The following FRRS1L variants were observed in gnomAD, a reference collection of about 807,000 sequenced individuals.
FRRS1L encodes the protein ferric chelate reductase 1 like, also known as DOMON domain-containing protein FRRS1L.
FRRS1L carries 22 observed loss-of-function variants against 28.6 expected under a neutral mutation model. That is an observed-to-expected ratio of 0.77 (90% CI 0.55 to 1.10). FRRS1L has a LOEUF of 1.10. Ranked by LOEUF, FRRS1L falls within the 50% of genes least tolerant of loss-of-function variation. The pLI is 0.00. For missense variants in FRRS1L, 380 were observed against 386.9 expected (o/e 0.98, Z 0.15); for synonymous variants, 158 against 151.4 (o/e 1.04, Z -0.32).
chr9:109,163,456 A>G (rs1831503823), intron 1 of FRRS1L, among the ~76,000 whole-genome samples: 1 of 152,170 alleles, frequency 6.6e-6, no homozygotes, highest in South Asian at 2.1e-4. Flanking sequence ...AGACAGTGGG[A>G]CCCTCAAAGA....
intron 1 of FRRS1L, among the ~76,000 whole-genome samples, chr9:109,165,391 G>A (rs1247703615): frequency 6.6e-6 from 1 of 152,166 alleles, no homozygotes; most frequent in Non-Finnish European, 1.5e-5. Flanking sequence ...CTACTGTACT[G>A]ATGAGGACAA....
chr9:109,164,382 C>T (rs1364721362), intron 1 of FRRS1L, among the ~76,000 whole-genome samples: 1 of 148,096 alleles, frequency 6.8e-6, no homozygotes, highest in Non-Finnish European at 1.5e-5. Flanking sequence ...AATATTCATT[C>T]AGGGAGCAGG....
rs1210439851 is a variant in FRRS1L at position 109,132,390 on chromosome 9, CA to C, written c.*5064del. 1.3e-5 allele frequency: 2 copies of C among 152,206 alleles called. No homozygotes were observed. Among genetic ancestry groups the C allele is most frequent in the Non-Finnish European group, 2.9e-5 (2 of 68,036 alleles). The allele number at this position is 152,206 out of a possible 1,614,324, so 9.4% of individuals were successfully genotyped here. A position where few individuals can be genotyped will look rare whatever the true frequency, so the allele number is the denominator to read the frequency against. ...CCATGATCACCACAGTTACTTAAGA[CA>C]AAACTGCTGCTTAGCCGGCTCTGTA... is the stretch of plus-strand genomic sequence containing the variant. On this transcript the variant is annotated 3_prime_UTR_variant, in exon 5 of 5. Transcript: ENST00000561981.
At chr9:109,147,213 T>G (rs1159141707) in intron 2 of FRRS1L, 24 bp from the exon 3 acceptor site, 1 of 1,598,928 alleles carries the variant, frequency 6.3e-7, no homozygotes, top group Non-Finnish European at 8.6e-7. Flanking sequence ...CGAAAGAGAC[T>G]TTACTGCTTC....
chr9:109,167,130 C>T lies in FRRS1L; in HGVS notation c.9G>A (p.Arg3=), dbSNP rs1254015489. ...AGACCCCCGGGTGCTGCCGGGGCGG[C>T]CGCGCCATCCGTGCGCACAGATCCC... is the stretch of plus-strand genomic sequence containing the variant. The part of the protein sequence containing the change: MA[R]PPRQHPGVWA... The change falls in exon 1 of 5, where the codon CGG becomes CGA. Residue 3 remains arginine (R), a synonymous_variant. Transcript: ENST00000561981. The T allele has an allele frequency of 1.7e-6, 2 of 1,159,822 alleles. No homozygotes were observed. The highest frequency in any genetic ancestry group is 4.5e-5 in the Admixed American group (1 of 22,152). 71.8% of individuals were successfully genotyped at this position (1,159,822 alleles called of 1,614,324 possible). A position where few individuals can be genotyped will look rare whatever the true frequency, so the allele number is the denominator to read the frequency against.
At position 109,166,902 on chromosome 9, in the gene FRRS1L, C is replaced by A; in HGVS notation, c.237G>T (p.Glu79Asp). Residue 79 changes from glutamate (E) to aspartate (D), a missense_variant and splice_region_variant, in exon 1 of 5, where the codon GAG (glutamate) becomes GAT (aspartate). Transcript: ENST00000561981. Reference sequence around the variant, plus strand: ...CCCCTCGCCCTCCCGCAGCCTCACCCTCCTCCGACAGGTAGCGCAGGTCGT... The same window carrying A: ...CCCCTCGCCCTCCCGCAGCCTCACCATCCTCCGACAGGTAGCGCAGGTCGT... ...EFYDLRYLSE[E>D]GYPFPTAPPV... 1 of 1,346,708 alleles carries A rather than the reference C, an allele frequency of 7.4e-7. No homozygotes were observed. Among genetic ancestry groups the A allele is most frequent in the South Asian group, 1.9e-5 (1 of 53,614 alleles). 83.4% of individuals were successfully genotyped at this position (1,346,708 alleles called of 1,614,324 possible).
intron 1 of FRRS1L, among the ~76,000 whole-genome samples, chr9:109,153,685 T>C (rs1831365340): frequency 6.6e-6 from 1 of 152,138 alleles, no homozygotes; most frequent in Non-Finnish European, 1.5e-5. Context: ...GTGTGGACAA[T>C]CTTATTGTGA....
At chr9:109,164,113 T>C (rs1486358467) in intron 1 of FRRS1L, among the ~76,000 whole-genome samples, 1 of 152,110 alleles carries the variant, frequency 6.6e-6, no homozygotes, top group Admixed American at 6.5e-5. Context: ...CTTGGGAAAG[T>C]CTCTATTCAG....
chr9:109,163,156 AC>A (rs1441202752), intron 1 of FRRS1L, among the ~76,000 whole-genome samples: 1 of 152,086 alleles, frequency 6.6e-6, no homozygotes, highest in African/African-American at 2.4e-5. Flanking sequence ...TCCCCAAAGA[AC>A]CCTCAGAAGT....
intron 1 of FRRS1L, among the ~76,000 whole-genome samples, chr9:109,158,762 C>T (rs979834336): frequency 1.3e-5 from 2 of 152,178 alleles, no homozygotes; most frequent in Non-Finnish European, 2.9e-5. Context: ...GGGTTGTTTC[C>T]ACTTTTTGGC....
intron 2 of FRRS1L, chr9:109,147,418 C>T (rs1047543949): frequency 8.4e-6 from 4 of 475,550 alleles, no homozygotes; most frequent in South Asian, 3.2e-5. Flanking sequence ...GGGGCTTGCC[C>T]GAGGTTGTAT....
At chr9:109,143,000 T>C (rs965608561) in intron 3 of FRRS1L, among the ~76,000 whole-genome samples, 8 of 152,022 alleles carry the variant, frequency 5.3e-5, no homozygotes, top group Non-Finnish European at 8.8e-5. Context: ...CAGTTTACAT[T>C]TTTTTCAAAA....
At position 109,131,969 on chromosome 9, in the gene FRRS1L, TTTTATTTTA is replaced by T. The variant is rs910473991; in HGVS notation, c.*5477_*5485del. On this transcript the variant is annotated 3_prime_UTR_variant, in exon 5 of 5. Coordinates refer to ENST00000561981, the MANE Select transcript of FRRS1L (RefSeq NM_014334.4). ...TTGATACAACTTTTATTTTATTTTA[TTTTATTTTA>T]TTTATTTATTTTTTAGACGGAGTCT... 3.1e-5 allele frequency: 4 copies of T among 130,446 alleles called. No homozygotes were observed. Among genetic ancestry groups the T allele is most frequent in the African/African-American group, 1.1e-4 (4 of 35,234 alleles). 8.1% of individuals were successfully genotyped at this position (130,446 alleles called of 1,614,324 possible).
At chr9:109,156,124 A>G (rs1386566553) in intron 1 of FRRS1L, among the ~76,000 whole-genome samples, 1 of 152,152 alleles carries the variant, frequency 6.6e-6, no homozygotes, top group Non-Finnish European at 1.5e-5. Flanking sequence ...CCGGCACACT[A>G]GAGAGTCTGG....
At position 109,131,826 on chromosome 9, in the gene FRRS1L, A is replaced by G. The variant is rs1032965705; in HGVS notation, c.*5629T>C. The stretch of plus-strand genomic sequence containing the variant: ...AGGACATACAATTATACACGGCAGC[A>G]AAGTATACACATCCCAGCCTTTGGC... On this transcript the variant is annotated 3_prime_UTR_variant, in exon 5 of 5. Transcript: ENST00000561981. 6.6e-6 allele frequency: 1 copy of G among 152,214 alleles called. No homozygotes were observed. The highest frequency in any genetic ancestry group is 1.5e-5 in the Non-Finnish European group (1 of 68,034). The allele number at this position is 152,214 out of a possible 1,614,324, so 9.4% of individuals were successfully genotyped here.
Position 109,137,446 on chromosome 9 carries a change from C to T in FRRS1L, c.*9G>A, listed in dbSNP as rs1190603058. ...CAATCCATGTAATCTGTTGGCCCTG[C>T]AGCTGTGGTTAGGGGGTTCCCATCA... is the stretch of plus-strand genomic sequence containing the variant. On this transcript the variant is annotated 3_prime_UTR_variant, in exon 5 of 5. Coordinates refer to ENST00000561981, the MANE Select transcript of FRRS1L (RefSeq NM_014334.4). The T allele has an allele frequency of 6.5e-7, 1 of 1,536,824 alleles. No homozygotes were observed. Among genetic ancestry groups the T allele is most frequent in the Admixed American group, 1.8e-5 (1 of 54,288 alleles).
intron 4 of FRRS1L, 60 bp downstream of exon 4, chr9:109,141,283 C>T: frequency 1.3e-6 from 2 of 1,591,448 alleles, no homozygotes; most frequent in East Asian, 4.5e-5. Context: ...CTTCAATTAA[C>T]AATGAACACA....
At chr9:109,157,162 A>AT (rs947522237) in intron 1 of FRRS1L, among the ~76,000 whole-genome samples, 13 of 152,098 alleles carry the variant, frequency 8.5e-5, no homozygotes, top group African/African-American at 9.6e-5. Context: ...GACATAGGTG[A>AT]TTTTTTCCCC....
chr9:109,144,795 C>T lies in FRRS1L; in HGVS notation c.462+2256G>A, dbSNP rs1028965028. ...GCCTCCTGGGTTCAAGCGATTCTCC[C>T]GCCTCAGCCTCTCGAGTAGCTGGGA... On this transcript the variant is annotated intron_variant, in intron 3 of 4. Coordinates refer to ENST00000561981, the MANE Select transcript of FRRS1L (RefSeq NM_014334.4). Among the ~76,000 whole-genome samples, 240 of 151,770 alleles carry T rather than the reference C, an allele frequency of 1.6e-3. 1 individual carries two copies. The highest frequency in any genetic ancestry group is 5.5e-3 in the African/African-American group (228 of 41,280).
Sources: allele counts gnomAD v4.1 joint callset (sites outside exome capture counted in the v4.1 genomes callset), GRCh38; gene constraint gnomAD v4.1.1; transcripts MANE v1.5; gene names NCBI Gene and HGNC (gene_info 2026-07-23, HGNC 2026-07-21).